The following CIDEC variants were observed in gnomAD, a reference collection of about 807,000 sequenced individuals.
CIDEC encodes cell death inducing DFFA like effector c.
CIDEC carries 11 observed loss-of-function variants against 21.9 expected under a neutral mutation model. The ratio of observed to expected loss-of-function variants is 0.50; its 90% CI spans 0.32 to 0.83. CIDEC has a LOEUF of 0.83. Among genes scored for constraint, CIDEC ranks in the 40% least tolerant of loss-of-function variants. The pLI, the probability that CIDEC is intolerant of heterozygous loss-of-function variation, is 0.04. For synonymous variants in CIDEC, 127 were observed against 124.9 expected (o/e 1.02, Z -0.11); for missense variants, 302 against 302.3 (o/e 1.00, Z 0.01).
intron 4 of CIDEC, among the ~76,000 whole-genome samples, chr3:9,874,906 T>C (rs1480162644): frequency 6.6e-6 from 1 of 152,046 alleles, no homozygotes; most frequent in African/African-American, 2.4e-5. Flanking sequence ...AATTCCTGTA[T>C]TATTTTTGTA....
At chr3:9,878,724 G>C in intron 2 of CIDEC, 1 of 1,533,484 alleles carries the variant, frequency 6.5e-7, no homozygotes, top group Non-Finnish European at 8.7e-7. Flanking sequence ...TCCCCACCGG[G>C]TGCTCAGGCT....
At position 9,866,940 on chromosome 3, in the gene CIDEC, C is replaced by G; in HGVS notation, c.*194G>C. The G allele has an allele frequency of 1.5e-6, 1 of 686,754 alleles. No individual in the cohort carries two copies. The highest frequency in any genetic ancestry group is 2.6e-6 in the Non-Finnish European group (1 of 379,590). The allele number at this position is 686,754 out of a possible 1,614,324, so 42.5% of individuals were successfully genotyped here. A position where few individuals can be genotyped will look rare whatever the true frequency, so the allele number is the denominator to read the frequency against. On this transcript the variant is annotated 3_prime_UTR_variant, in exon 7 of 7. Coordinates refer to ENST00000336832, the MANE Select transcript of CIDEC (RefSeq NM_001321142.2). Reference sequence around the variant, plus strand: ...TGGGCAGGAAGGAGCTGGATCAGGCCAGGAGCTTGAGGTTCTCCTTTGGCC... The same window carrying G: ...TGGGCAGGAAGGAGCTGGATCAGGCGAGGAGCTTGAGGTTCTCCTTTGGCC...
At chr3:9,876,290 A>T (rs2082421459) in intron 4 of CIDEC, among the ~76,000 whole-genome samples, 1 of 152,120 alleles carries the variant, frequency 6.6e-6, no homozygotes, top group South Asian at 2.1e-4. Context: ...CCTGGCCAAC[A>T]TGACAAAACC....
At chr3:9,879,282 G>A (rs1452090289) in intron 1 of CIDEC, among the ~76,000 whole-genome samples, 1 of 151,348 alleles carries the variant, frequency 6.6e-6, no homozygotes, top group Admixed American at 6.6e-5. Context: ...CTCCCCCGTA[G>A]CTGGGATTAC....
rs150529759 is a variant in CIDEC at position 9,879,245 on chromosome 3, G to A, written c.-138-191C>T. Among the ~76,000 whole-genome samples, 427 of 149,770 alleles carry A rather than the reference G, an allele frequency of 2.9e-3. 1 individual carries two copies. Among genetic ancestry groups the A allele is most frequent in the African/African-American group, 0.01 (410 of 40,824 alleles). ...TTGCTCACTACAACCTCCGCCTCCT[G>A]GGTTCAAGCAATTATCCTGCCTCAG... On this transcript the variant is annotated intron_variant, in intron 1 of 6. Transcript: ENST00000336832.
At chr3:9,868,235 A>G (rs1029561416) in intron 6 of CIDEC, among the ~76,000 whole-genome samples, 1 of 152,136 alleles carries the variant, frequency 6.6e-6, no homozygotes, top group African/African-American at 2.4e-5. Context: ...TAAGGCTTTT[A>G]TTTTTCTACT....
chr3:9,875,885 G>A (rs1472973043), intron 4 of CIDEC, among the ~76,000 whole-genome samples: 2 of 152,194 alleles, frequency 1.3e-5, no homozygotes, highest in African/African-American at 2.4e-5. Context: ...GGGGTGCCCA[G>A]ACCTCAGGGC....
Position 9,878,996 on chromosome 3 carries a change from A to C in CIDEC, c.-80T>G. On this transcript the variant is annotated 5_prime_UTR_variant, in exon 2 of 7. The change abolishes an upstream ATG in the 5' untranslated region. Transcript: ENST00000336832. ...GCCCAGTCAAAGCCTCCTCTCTCCC[A>C]TGGGTCCTTGAGCAATCCGAGCCCC... 3 of 641,150 alleles carry C rather than the reference A, an allele frequency of 4.7e-6. No homozygotes were observed. The highest frequency in any genetic ancestry group is 5.6e-6 in the Non-Finnish European group (2 of 355,650). The allele number at this position is 641,150 out of a possible 1,614,324, so 39.7% of individuals were successfully genotyped here.
chr3:9,871,579 T>C (rs2082348404), intron 4 of CIDEC, among the ~76,000 whole-genome samples: 1 of 152,080 alleles, frequency 6.6e-6, no homozygotes, highest in African/African-American at 2.4e-5. Context: ...TCCAGTCTCC[T>C]TACATCCTCA....
chr3:9,874,479 G>A lies in CIDEC; in HGVS notation c.207+2587C>T, dbSNP rs912085988. On this transcript the variant is annotated intron_variant, in intron 4 of 6. Coordinates refer to ENST00000336832, the MANE Select transcript of CIDEC (RefSeq NM_001321142.2). ...TGCAGTGAGCCATCATCACATCACT[G>A]CATTCTAGCCGGGGCAATGGAGCGA... Among the ~76,000 whole-genome samples the A allele has an allele frequency of 1.6e-4, 25 of 151,584 alleles. 1 individual carries two copies. Among genetic ancestry groups the A allele is most frequent in the Non-Finnish European group, 2.6e-4 (18 of 67,960 alleles).
chr3:9,871,634 T>C (rs1286025585), intron 4 of CIDEC, among the ~76,000 whole-genome samples: 1 of 151,972 alleles, frequency 6.6e-6, no homozygotes, highest in Non-Finnish European at 1.5e-5. Flanking sequence ...TCCTTATTTT[T>C]TTTTCTTTTT....
chr3:9,878,889 G>A (rs1442239217), intron 2 of CIDEC, 53 bp downstream of exon 2: 1 of 1,394,338 alleles, frequency 7.2e-7, no homozygotes, highest in Admixed American at 2.0e-5. Context: ...TCCACTTTAC[G>A]CTGGCAGGAG....
At chr3:9,877,332 C>CCAT in intron 3 of CIDEC, 113 bp from the exon 4 acceptor site, 2 of 1,011,406 alleles carry the variant, frequency 2.0e-6, no homozygotes, top group Non-Finnish European at 3.0e-6. Flanking sequence ...AGTCAACCCC[C>CCAT]CATCACCTGC....
intron 4 of CIDEC, among the ~76,000 whole-genome samples, chr3:9,871,652 T>C (rs1045439918): frequency 2.6e-5 from 4 of 151,958 alleles, no homozygotes; most frequent in Non-Finnish European, 5.9e-5. Flanking sequence ...TTTTTGAGAC[T>C]GAGTTTTGCT....
At chr3:9,870,551 A>T in intron 4 of CIDEC, 1 of 1,302,366 alleles carries the variant, frequency 7.7e-7, no homozygotes, top group South Asian at 1.3e-5. Context: ...ACATACTCTA[A>T]AAGTTACCCT....
chr3:9,867,197 T>G lies in CIDEC; in HGVS notation c.654A>C (p.Glu218Asp), dbSNP rs550593269. The G allele has an allele frequency of 2.5e-5, 41 of 1,614,068 alleles. No homozygotes were observed. The highest frequency in any genetic ancestry group is 1.1e-4 in the African/African-American group (8 of 75,058). ...AGGCCTTGCCCTTGGGGGGCTGCCC[T>G]TCCTCCGTAGCATCGAGGAGCTGCT... is the stretch of plus-strand genomic sequence containing the variant. The part of the protein sequence containing the change: ...YLQQLLDATE[E>D]GQPPKGKASS... Residue 218 changes from glutamate to aspartate, a missense_variant, in exon 7 of 7, where the codon GAA becomes GAC. Coordinates refer to ENST00000336832, the MANE Select transcript of CIDEC (RefSeq NM_001321142.2).
chr3:9,871,164 C>T (rs999983210), intron 4 of CIDEC, among the ~76,000 whole-genome samples: 1 of 144,356 alleles, frequency 6.9e-6, no homozygotes, highest in South Asian at 2.2e-4. Context: ...TACATTAACT[C>T]TATGTTTAAT....
chr3:9,867,331 A>C, intron 6 of CIDEC, 35 bp from the exon 7 acceptor site: 1 of 1,612,242 alleles, frequency 6.2e-7, no homozygotes, highest in Admixed American at 1.7e-5. Context: ...AGTCAAAACC[A>C]CGAAGTAGGT....
At chr3:9,878,074 G>A in intron 3 of CIDEC, 1 of 231,792 alleles carries the variant, frequency 4.3e-6, no homozygotes, top group South Asian at 7.1e-5. Context: ...CTCCCTCATG[G>A]ATTTGCTGGG....
Sources: allele counts gnomAD v4.1 joint callset (sites outside exome capture counted in the v4.1 genomes callset), GRCh38; gene constraint gnomAD v4.1.1; transcripts MANE v1.5; gene names NCBI Gene and HGNC (gene_info 2026-07-23, HGNC 2026-07-21).